Variants in SNCG observed in about 807,000 individuals in gnomAD.
The protein encoded by SNCG is synuclein gamma, also known as gamma-synuclein.
A neutral mutation model predicts 16.0 loss-of-function variants in SNCG; 13 were observed. The ratio of observed to expected loss-of-function variants is 0.81; its 90% CI spans 0.53 to 1.29. The LOEUF is 1.29. Ranked by LOEUF, SNCG falls within the 50% of genes most tolerant of loss-of-function variation. The probability of loss-of-function intolerance (pLI) is 0.00; values close to 1 mark genes in which losing one functional copy is unlikely to be tolerated. For missense variants in SNCG, 154 were observed against 168.5 expected (o/e 0.91, Z 0.48); for synonymous variants, 66 against 66.3 (o/e 1.00, Z 0.02).
intron 1 of SNCG, 108 bp downstream of exon 1, chr10:86,958,926 G>C: frequency 8.0e-7 from 1 of 1,246,874 alleles, no homozygotes; most frequent in Admixed American, 2.4e-5. Context: ...TTGGGAGGGG[G>C]CGAGGCCCTG....
rs1403156977 is a variant in SNCG at position 86,959,203 on chromosome 10, T to C, written c.121+385T>C. 3.3e-5 allele frequency among the ~76,000 whole-genome samples: 5 copies of C among 151,904 alleles called. No individual in the cohort carries two copies. Among genetic ancestry groups the C allele is most frequent in the Non-Finnish European group, 7.4e-5 (5 of 67,944 alleles). On this transcript the variant is annotated intron_variant, in intron 1 of 4. Transcript: ENST00000372017. The surrounding 1 kb of genome is among the most constrained non-coding windows in gnomAD (Gnocchi z 4.3). ...ACAGCCAGGTCACGGATCCCCTCCC[T>C]CCCCAGAGAGAAGGGGCAGGCTGGG...
upstream of SNCG, chr10:86,958,497 T>TCCCAACCAA: frequency 2.7e-6 from 3 of 1,098,152 alleles, no homozygotes; most frequent in South Asian, 1.7e-5. Flanking sequence ...TGAACCTCCT[T>TCCCAACCAA]CCCTCCCTCC....
upstream of SNCG, among the ~76,000 whole-genome samples, chr10:86,957,050 G>T (rs1324586273): frequency 6.6e-6 from 1 of 152,314 alleles, no homozygotes; most frequent in East Asian, 1.9e-4. Flanking sequence ...AAGAACAGGA[G>T]GCATAGCCAG....
rs1564737510 is a variant in SNCG, at chr10:86,959,528, C to A, written c.122-105C>A. ...GCCGGCCCCCAGACACCATCCTTACCCCCCCACCGACCCCACAGTTTGTCC... is the reference window on the plus strand; with the variant it reads ...GCCGGCCCCCAGACACCATCCTTACACCCCCACCGACCCCACAGTTTGTCC... On this transcript the variant is annotated intron_variant, in intron 1 of 4. Transcript: ENST00000372017. The surrounding 1 kb of genome is among the most constrained non-coding windows in gnomAD (Gnocchi z 4.3). 8.1e-6 allele frequency: 8 copies of A among 989,534 alleles called. No homozygotes were observed. In the Admixed American group the frequency reaches 9.8e-5, roughly 12 times the overall value. The allele number at this position is 989,534 out of a possible 1,614,324, so 61.3% of individuals were successfully genotyped here. A position where few individuals can be genotyped will look rare whatever the true frequency, so the allele number is the denominator to read the frequency against.
In SNCG at chr10:86,958,635, C is replaced by A; in HGVS notation, c.-63C>A. 6.2e-7 allele frequency: 1 copy of A among 1,608,420 alleles called. No individual in the cohort carries two copies. The highest frequency in any genetic ancestry group is 8.5e-7 in the Non-Finnish European group (1 of 1,178,196). On this transcript the variant is annotated 5_prime_UTR_variant, in exon 1 of 5. Transcript: ENST00000372017. Reference sequence around the variant, plus strand: ...CGGCAGCACTCGAGCCAGCTCAAGCCCGCAGCTCGCAGGGAGATCCAGCTC... The same window carrying A: ...CGGCAGCACTCGAGCCAGCTCAAGCACGCAGCTCGCAGGGAGATCCAGCTC...
At chr10:86,960,216 C>CGTGTTGTTTCCTGGGGTG in intron 3 of SNCG, 88 bp downstream of exon 3, 1 of 1,292,568 alleles carries the variant, frequency 7.7e-7, no homozygotes. Context: ...CTCCACACCC[C>CGTGTTGTTTCCTGGGGTG]AGGAAACAAC....
intron 3 of SNCG, among the ~76,000 whole-genome samples, chr10:86,962,328 A>G (rs1287244665): frequency 1.3e-5 from 2 of 152,166 alleles, no homozygotes; most frequent in African/African-American, 4.8e-5. Flanking sequence ...TCATCAGTGA[A>G]GCCCAACTAG....
In SNCG at chr10:86,962,650, A is replaced by G; in HGVS notation, c.338A>G (p.Lys113Arg). 6.2e-7 allele frequency: 1 copy of G among 1,612,830 alleles called. No homozygotes were observed. Among genetic ancestry groups the G allele is most frequent in the Non-Finnish European group, 8.5e-7 (1 of 1,179,462 alleles). Residue 113 changes from lysine (K) to arginine (R), a missense_variant, in exon 4 of 5, where the codon AAA (lysine) becomes AGA (arginine). Physicochemically the swap from Lys to Arg is conservative, Grantham distance 26. Transcript: ENST00000372017. ...CCCCAACAGGAGGGTGAGGCATCCAAAGAGAAAGAGGAAGTGGCAGAGGAG... is the reference window on the plus strand; with the variant it reads ...CCCCAACAGGAGGGTGAGGCATCCAGAGAGAAAGAGGAAGTGGCAGAGGAG... ...SAPQQEGEAS[K>R]EKEEVAEEAQ...
At chr10:86,961,874 C>G (rs1043576634) in intron 3 of SNCG, among the ~76,000 whole-genome samples, 17 of 152,374 alleles carry the variant, frequency 1.1e-4, no homozygotes, top group Non-Finnish European at 2.2e-4. Context: ...GCCTCCCCCC[C>G]GTCCCCCGCC....
At chr10:86,961,263 G>A (rs140480314) in intron 3 of SNCG, among the ~76,000 whole-genome samples, 59 of 152,112 alleles carry the variant, frequency 3.9e-4, no homozygotes, top group African/African-American at 1.4e-3. Flanking sequence ...CCCTCTCCTA[G>A]TTCCCCTTTC....
At position 86,959,956 on chromosome 10, in the gene SNCG, T is replaced by TTGGGGC. The variant is rs778606258; in HGVS notation, c.164-33_164-28dup. On this transcript the variant is annotated intron_variant, in intron 2 of 4. Transcript: ENST00000372017. This position sits in a 1 kb window ranked among gnomAD's most constrained non-coding sequence, Gnocchi z 4.3. ...CGAGCCTGACTCCAGCAGGCCTGCC[T>TTGGGGC]TGGGGCTGGGGCTGGGGTGGAGGCC... is the stretch of plus-strand genomic sequence containing the variant. 1.2e-5 allele frequency: 18 copies of TTGGGGC among 1,560,228 alleles called. No individual in the cohort carries two copies. The African/African-American group carries it at 1.2e-4, about 11-fold the overall frequency.
At chr10:86,962,704 T>TGG in intron 4 of SNCG, 29 bp downstream of exon 4, 1 of 1,566,436 alleles carries the variant, frequency 6.4e-7, no homozygotes, top group Non-Finnish European at 8.8e-7. Context: ...GGGTGCACCA[T>TGG]GGGGGGTTCC....
upstream of SNCG, chr10:86,957,414 G>A (rs761899030): frequency 3.7e-6 from 6 of 1,613,664 alleles, no homozygotes; most frequent in Non-Finnish European, 5.1e-6. Context: ...CTCAGCCTCT[G>A]CCTTCCAGAC....
At chr10:86,957,833 T>C, upstream of SNCG, 1 of 1,188,666 alleles carries the variant, frequency 8.4e-7, no homozygotes, top group Non-Finnish European at 1.0e-6. Flanking sequence ...TGCATCCTTA[T>C]GGGAACCTGC....
At chr10:86,956,538 C>T (rs1359709962), upstream of SNCG, among the ~76,000 whole-genome samples, 1 of 152,212 alleles carries the variant, frequency 6.6e-6, no homozygotes, top group East Asian at 1.9e-4. Context: ...CTGGGGCTGG[C>T]TCCAAGTGCT....
In SNCG at chr10:86,959,768, AC is replaced by A; in HGVS notation, c.163+99del. On this transcript the variant is annotated intron_variant, in intron 2 of 4. Coordinates refer to ENST00000372017, the MANE Select transcript of SNCG (RefSeq NM_003087.3). The surrounding 1 kb of genome is among the most constrained non-coding windows in gnomAD (Gnocchi z 4.3). The stretch of plus-strand genomic sequence containing the variant: ...GGGCTCAAACCTAGAGTCCTGCCTT[AC>A]CCCCAACTGGGGTCCCAAGCCCTAC... 7.4e-7 allele frequency: 1 copy of A among 1,352,878 alleles called. No homozygotes were observed. Among genetic ancestry groups the A allele is most frequent in the Non-Finnish European group, 1.0e-6 (1 of 992,746 alleles). The allele number at this position is 1,352,878 out of a possible 1,614,324, so 83.8% of individuals were successfully genotyped here.
At chr10:86,960,893 CG>C (rs1259908085) in intron 3 of SNCG, among the ~76,000 whole-genome samples, 1 of 152,180 alleles carries the variant, frequency 6.6e-6, no homozygotes, top group Non-Finnish European at 1.5e-5. Flanking sequence ...ATCCATGAGA[CG>C]GTGTGGAAAC....
At position 86,959,040 on chromosome 10, in the gene SNCG, C is replaced by T. The variant is rs376359786; in HGVS notation, c.121+222C>T. 4.0e-4 allele frequency among the ~76,000 whole-genome samples: 61 copies of T among 152,218 alleles called. No individual in the cohort carries two copies. Among genetic ancestry groups the T allele is most frequent in the African/African-American group, 1.4e-3 (58 of 41,534 alleles). On this transcript the variant is annotated intron_variant, in intron 1 of 4. Coordinates refer to ENST00000372017, the MANE Select transcript of SNCG (RefSeq NM_003087.3). The surrounding 1 kb of genome is among the most constrained non-coding windows in gnomAD (Gnocchi z 4.3). ...CTCGGGGCCTCTGGGTGTCAGAGAC[C>T]GCAGACAGGGCTGGCTACCTGTCTG...
At chr10:86,958,383 G>GC (rs1472172775), upstream of SNCG, 26 of 985,282 alleles carry the variant, frequency 2.6e-5, no homozygotes, top group South Asian at 1.4e-4. Flanking sequence ...GAGGTGGCCA[G>GC]CCCCCTCCAG....
Sources: allele counts gnomAD v4.1 joint callset (sites outside exome capture counted in the v4.1 genomes callset), GRCh38; gene constraint gnomAD v4.1.1; non-coding constraint Gnocchi (gnomAD v3.1); transcripts MANE v1.5; gene names NCBI Gene and HGNC (gene_info 2026-07-23, HGNC 2026-07-21).